Variants in CSRNP3 observed in about 807,000 individuals in gnomAD.
CSRNP3 encodes cysteine and serine rich nuclear protein 3, also known as cysteine/serine-rich nuclear protein 3.
In CSRNP3, 12 loss-of-function variants were observed where a neutral mutation model predicts 48.0. That is an observed-to-expected ratio of 0.25 (90% CI 0.16 to 0.41). CSRNP3 has a LOEUF of 0.41. Among genes scored for constraint, CSRNP3 ranks in the 10% least tolerant of loss-of-function variants. CSRNP3 has a pLI of 1.00. For missense variants in CSRNP3, 580 were observed against 724.4 expected, an observed-to-expected ratio of 0.80 and a Z score of 2.29; for synonymous variants, 263 against 269.7, an observed-to-expected ratio of 0.98 and a Z score of 0.24.
chr2:165,672,649 T>C (rs372343420), intron 5 of CSRNP3, among the ~76,000 whole-genome samples: 7 of 152,216 alleles, frequency 4.6e-5, no homozygotes, highest in Admixed American at 3.9e-4. Context: ...CAAGAGTAAG[T>C]GAGGCAATCC....
At position 165,657,807 on chromosome 2, in the gene CSRNP3, A is replaced by G; in HGVS notation, c.195A>G (p.Val65=). Reference sequence around the variant, plus strand: ...AGAAACGACTGAGGACAAAGAATGTACATTTTAGTTGTGTCACCGTGTACT... The same window carrying G: ...AGAAACGACTGAGGACAAAGAATGTGCATTTTAGTTGTGTCACCGTGTACT... The part of the protein sequence containing the change: ...KREKRLRTKN[V]HFSCVTVYYF... The change falls in exon 5 of 7, where the codon GTA becomes GTG. Residue 65 remains valine (V), a synonymous_variant. Coordinates refer to ENST00000651982, the MANE Select transcript of CSRNP3 (RefSeq NM_001172173.2). 6.2e-7 allele frequency: 1 copy of G among 1,614,104 alleles called. No homozygotes were observed.
chr2:165,601,136 C>T (rs945881107), intron 4 of CSRNP3, among the ~76,000 whole-genome samples: 56 of 152,198 alleles, frequency 3.7e-4, no homozygotes, highest in Admixed American at 3.5e-3. Context: ...GAGATAGAAA[C>T]AGCAGAGTCT....
chr2:165,530,010 A>T (rs567579134), intron 3 of CSRNP3, among the ~76,000 whole-genome samples: 81 of 152,346 alleles, frequency 5.3e-4, no homozygotes, highest in Non-Finnish European at 9.1e-4. Context: ...GTTTTTTAAA[A>T]TCATGAGGAA....
intron 4 of CSRNP3, among the ~76,000 whole-genome samples, chr2:165,603,591 A>G (rs752007213): frequency 6.6e-6 from 1 of 151,886 alleles, no homozygotes; most frequent in Non-Finnish European, 1.5e-5. Flanking sequence ...GCTTGTCTTT[A>G]TATAAGTTTC....
At chr2:165,586,359 T>C (rs775709473) in intron 3 of CSRNP3, among the ~76,000 whole-genome samples, 2 of 152,218 alleles carry the variant, frequency 1.3e-5, no homozygotes, top group Non-Finnish European at 2.9e-5. Flanking sequence ...TTAGATGTTT[T>C]GGTTAATTGC....
intron 3 of CSRNP3, among the ~76,000 whole-genome samples, chr2:165,549,412 G>T (rs747177343): frequency 2.6e-5 from 4 of 151,908 alleles, no homozygotes; most frequent in South Asian, 2.1e-4. Context: ...CAAGTTAATC[G>T]CAACTGGTTA....
rs1687587176 is a variant in CSRNP3, at chr2:165,683,900, C to T, written c.*4147C>T. 6.6e-6 allele frequency: 1 copy of T among 152,072 alleles called. No homozygotes were observed. The highest frequency in any genetic ancestry group is 1.5e-5 in the Non-Finnish European group (1 of 67,990). The allele number at this position is 152,072 out of a possible 1,614,324, so 9.4% of individuals were successfully genotyped here. On this transcript the variant is annotated 3_prime_UTR_variant, in exon 7 of 7. Transcript: ENST00000651982. ...AAATTATAGAACTCACTGGATCGCC[C>T]TTCATCTCTCTCCCTCCATCTGAAA...
intron 4 of CSRNP3, among the ~76,000 whole-genome samples, chr2:165,599,331 A>AAG (rs1574857286): frequency 1.2e-4 from 13 of 109,788 alleles, no homozygotes; most frequent in African/African-American, 4.7e-4. Context: ...GAAAGAAAGG[A>AAG]AAAGAAAAAA....
chr2:165,618,691 C>G (rs188231697), intron 4 of CSRNP3, among the ~76,000 whole-genome samples: 29 of 152,264 alleles, frequency 1.9e-4, no homozygotes, highest in Non-Finnish European at 3.5e-4. Flanking sequence ...CCACACAGAG[C>G]AAATCATATA....
At chr2:165,669,046 T>G (rs1019434505) in intron 5 of CSRNP3, among the ~76,000 whole-genome samples, 1 of 152,218 alleles carries the variant, frequency 6.6e-6, no homozygotes, top group East Asian at 1.9e-4. Flanking sequence ...GTGAGATAAT[T>G]TATATACAGT....
rs575026674 is a variant in CSRNP3 at position 165,678,321 on chromosome 2, A to G, written c.706-380A>G. Reference sequence around the variant, plus strand: ...AAATCAGGCACAAGAGCTGGGGTGCAGCAGAAAGAAAAGGAACTTGGGGGA... The same window carrying G: ...AAATCAGGCACAAGAGCTGGGGTGCGGCAGAAAGAAAAGGAACTTGGGGGA... On this transcript the variant is annotated intron_variant, in intron 6 of 6. Coordinates refer to ENST00000651982, the MANE Select transcript of CSRNP3 (RefSeq NM_001172173.2). Among the ~76,000 whole-genome samples the G allele has an allele frequency of 1.7e-3, 261 of 152,308 alleles. 1 individual carries two copies. The highest frequency in any genetic ancestry group is 6.0e-3 in the African/African-American group (251 of 41,562).
intron 3 of CSRNP3, among the ~76,000 whole-genome samples, chr2:165,543,853 C>A (rs1684989027): frequency 6.6e-6 from 1 of 151,960 alleles, no homozygotes; most frequent in Admixed American, 6.6e-5. Context: ...TATGACTGAG[C>A]TTCAACTATA....
chr2:165,523,974 C>T (rs78496447), intron 3 of CSRNP3, among the ~76,000 whole-genome samples: 74 of 152,308 alleles, frequency 4.9e-4, no homozygotes, highest in African/African-American at 1.7e-3. Context: ...CAACCCTATT[C>T]TTCAGCTAAA....
intron 3 of CSRNP3, among the ~76,000 whole-genome samples, chr2:165,537,473 C>T (rs1352715511): frequency 4.0e-5 from 6 of 149,486 alleles, no homozygotes; most frequent in Non-Finnish European, 1.5e-5. Flanking sequence ...AAATCAATGT[C>T]ATATTATAAG....
At chr2:165,647,748 A>G (rs916701321) in intron 4 of CSRNP3, among the ~76,000 whole-genome samples, 11 of 152,312 alleles carry the variant, frequency 7.2e-5, no homozygotes, top group African/African-American at 2.4e-4. Flanking sequence ...TATTCAGTAA[A>G]TTACATAAGA....
intron 3 of CSRNP3, among the ~76,000 whole-genome samples, chr2:165,537,798 TAG>T: frequency 6.6e-6 from 1 of 152,020 alleles, no homozygotes; most frequent in East Asian, 1.9e-4. Flanking sequence ...GTATTGATCT[TAG>T]AGTTTCTTTT....
intron 3 of CSRNP3, among the ~76,000 whole-genome samples, chr2:165,542,883 G>C (rs1005915551): frequency 3.3e-5 from 5 of 152,140 alleles, no homozygotes; most frequent in Non-Finnish European, 7.3e-5. Context: ...CAAGATCTCT[G>C]ATGTTAAGTC....
At chr2:165,600,753 T>C (rs187119445) in intron 4 of CSRNP3, among the ~76,000 whole-genome samples, 92 of 152,376 alleles carry the variant, frequency 6.0e-4, no homozygotes, top group African/African-American at 2.1e-3. Flanking sequence ...TGTCTGTTCA[T>C]GTCCTTCAGT....
intron 3 of CSRNP3, among the ~76,000 whole-genome samples, chr2:165,528,079 TAAA>T (rs1684761971): frequency 6.6e-6 from 1 of 152,216 alleles, no homozygotes; most frequent in Admixed American, 6.5e-5. Flanking sequence ...ATTATGTCTA[TAAA>T]TTAGCAAAGT....
Sources: gnomAD v4.1 joint callset for allele counts (sites outside exome capture counted in the v4.1 genomes callset) on GRCh38, gnomAD v4.1.1 for gene constraint, MANE v1.5 for transcripts, NCBI Gene and HGNC (gene_info 2026-07-23, HGNC 2026-07-21) for gene names.